Variants in RP1 observed in about 807,000 individuals in gnomAD.
The protein encoded by RP1 is oxygen-regulated protein 1.
In RP1, 16 loss-of-function variants were observed where a neutral mutation model predicts 14.8. The observed-to-expected ratio is 1.08, with a 90% confidence interval of 0.73 to 1.65. The LOEUF is 1.65. Ranked by LOEUF, RP1 falls within the 40% of genes most tolerant of loss-of-function variation. The pLI, the probability that RP1 is intolerant of heterozygous loss-of-function variation, is 0.00. For synonymous variants in RP1, 876 were observed against 883.6 expected, an observed-to-expected ratio of 0.99 and a Z score of 0.15; for missense variants, 2,631 against 2,535.0, an observed-to-expected ratio of 1.04 and a Z score of -0.81.
chr8:54,830,961 T>A (rs1037355501), intron 24 of RP1, among the ~76,000 whole-genome samples: 2 of 152,162 alleles, frequency 1.3e-5, no homozygotes, highest in Admixed American at 1.3e-4. Flanking sequence ...GAGTACATGG[T>A]CTTTTTTATT....
intron 2 of RP1, among the ~76,000 whole-genome samples, 182 bp from the exon 3 acceptor site, chr8:54,621,935 C>A (rs918642534): frequency 8.5e-5 from 13 of 152,152 alleles, no homozygotes; most frequent in African/African-American, 2.4e-4. Flanking sequence ...CTGACTCCCC[C>A]ACCCAACCTT....
exon 29 of RP1, chr8:54,870,073 T>C (rs1262116406): frequency 7.1e-6 from 3 of 422,574 alleles, no homozygotes; most frequent in East Asian, 3.6e-5. Flanking sequence ...GACCCACTCA[T>C]TGTTTCTGAG....
At chr8:54,766,716 C>T (rs1809769880) in intron 22 of RP1, among the ~76,000 whole-genome samples, 1 of 152,126 alleles carries the variant, frequency 6.6e-6, no homozygotes, top group African/African-American at 2.4e-5. Context: ...GCGGGAGCAC[C>T]CCAACACGTT....
At chr8:54,688,624 G>C (rs143296997) in intron 12 of RP1, among the ~76,000 whole-genome samples, 1,716 of 152,282 alleles carry the variant, frequency 0.011, 25 homozygotes, top group African/African-American at 0.039. Flanking sequence ...GATGGTTGTA[G>C]ATGTGTGGTG....
chr8:54,583,989 T>C (rs986892831), intron 1 of RP1, among the ~76,000 whole-genome samples: 36 of 152,228 alleles, frequency 2.4e-4, no homozygotes, highest in African/African-American at 8.7e-4. Context: ...GTTTTTTGTG[T>C]CTCTATTTCC....
intron 24 of RP1, among the ~76,000 whole-genome samples, chr8:54,825,713 C>T (rs980860428): frequency 6.6e-6 from 1 of 152,148 alleles, no homozygotes; most frequent in African/African-American, 2.4e-5. Flanking sequence ...TGGTTTCCAA[C>T]AGTACTTGTG....
chr8:54,852,838 A>G lies in RP1; in HGVS notation c.3990+110A>G, dbSNP rs1260326421. 4 of 758,812 alleles carry G rather than the reference A, an allele frequency of 5.3e-6. No individual in the cohort carries two copies. In the African/African-American group the frequency reaches 5.4e-5, roughly 10 times the overall value. The allele number at this position is 758,812 out of a possible 1,614,324, so 47.0% of individuals were successfully genotyped here. A position where few individuals can be genotyped will look rare whatever the true frequency, so the allele number is the denominator to read the frequency against. On this transcript the variant is annotated intron_variant, in intron 26 of 28. Coordinates refer to the RP1 transcript ENST00000637698. ...CTGAGATGCTCAGTTGATTCCTGTG[A>G]GGAATTCAGGGAGGTGTGGTCATTT...
intron 16 of RP1, among the ~76,000 whole-genome samples, chr8:54,721,031 T>C (rs1465376836): frequency 6.6e-6 from 1 of 152,232 alleles, no homozygotes; most frequent in Non-Finnish European, 1.5e-5. Context: ...CTGACTTTTG[T>C]TTAGCTTCTA....
chr8:54,606,001 G>T (rs1328361011), intron 1 of RP1, among the ~76,000 whole-genome samples: 3 of 151,276 alleles, frequency 2.0e-5, no homozygotes, highest in African/African-American at 7.3e-5. Flanking sequence ...TATCCAATTT[G>T]CCAGTCTGTG....
intron 6 of RP1, among the ~76,000 whole-genome samples, chr8:54,661,903 G>A (rs1806907734): frequency 6.6e-6 from 1 of 151,894 alleles, no homozygotes; most frequent in Admixed American, 6.6e-5. Context: ...TCTTCAGTGA[G>A]TTTTAAAATT....
chr8:54,747,891 G>A (rs921621615), intron 19 of RP1, among the ~76,000 whole-genome samples: 1 of 152,238 alleles, frequency 6.6e-6, no homozygotes, highest in African/African-American at 2.4e-5. Flanking sequence ...AGCGAGATAA[G>A]GCCAATGCCC....
At chr8:54,587,258 A>T (rs141638646) in intron 1 of RP1, among the ~76,000 whole-genome samples, 107 of 152,184 alleles carry the variant, frequency 7.0e-4, no homozygotes, top group African/African-American at 2.6e-3. Flanking sequence ...AAACCCTGTC[A>T]CTACTAAAAA....
chr8:54,791,904 A>G (rs1316447916), intron 24 of RP1, among the ~76,000 whole-genome samples: 1 of 152,046 alleles, frequency 6.6e-6, no homozygotes, highest in Non-Finnish European at 1.5e-5. Context: ...TTTGATGAAA[A>G]GATGTGCAGC....
chr8:54,800,020 A>G (rs953418253), intron 24 of RP1, among the ~76,000 whole-genome samples: 2 of 151,732 alleles, frequency 1.3e-5, no homozygotes, highest in African/African-American at 4.8e-5. Context: ...TTTTTGTTGA[A>G]TGGATCTGTT....
At chr8:54,853,774 GGAAGGA>G (rs1812113524) in intron 26 of RP1, among the ~76,000 whole-genome samples, 2 of 109,864 alleles carry the variant, frequency 1.8e-5, no homozygotes, top group African/African-American at 8.1e-5. Context: ...GAAAGAGAAA[GGAAGGA>G]AGAGAAAGAA....
intron 12 of RP1, among the ~76,000 whole-genome samples, chr8:54,693,342 T>C (rs193287178): frequency 1.7e-3 from 263 of 152,210 alleles, no homozygotes; most frequent in African/African-American, 5.9e-3. Flanking sequence ...TAGTTTTTTC[T>C]AATTCTGTGA....
chr8:54,581,274 C>A (rs545877559), intron 1 of RP1, among the ~76,000 whole-genome samples: 1 of 151,806 alleles, frequency 6.6e-6, no homozygotes, highest in Non-Finnish European at 1.5e-5. Context: ...TCTGCCCTTG[C>A]GATAGTTTGC....
intron 7 of RP1, among the ~76,000 whole-genome samples, chr8:54,673,665 G>T (rs1466083636): frequency 6.6e-6 from 1 of 152,224 alleles, no homozygotes; most frequent in South Asian, 2.1e-4. Context: ...ATTTGAGCCC[G>T]GGAGGCAGAG....
At chr8:54,801,285 G>A (rs1810699566) in intron 24 of RP1, among the ~76,000 whole-genome samples, 1 of 152,152 alleles carries the variant, frequency 6.6e-6, no homozygotes, top group Admixed American at 6.5e-5. Flanking sequence ...TTAATGTAGT[G>A]TTGAGAGGGT....
Sources: gnomAD v4.1 joint callset for allele counts (sites outside exome capture counted in the v4.1 genomes callset) on GRCh38, gnomAD v4.1.1 for gene constraint, MANE v1.5 for transcripts, NCBI Gene and HGNC (gene_info 2026-07-23, HGNC 2026-07-21) for gene names.